Variants in MKLN1 observed in about 807,000 individuals in gnomAD.
MKLN1 encodes muskelin.
MKLN1 carries 18 observed loss-of-function variants against 99.0 expected under a neutral mutation model. The ratio of observed to expected loss-of-function variants is 0.18; its 90% CI spans 0.13 to 0.27. MKLN1 has a LOEUF of 0.27. Among genes scored for constraint, MKLN1 ranks in the 10% least tolerant of loss-of-function variants. The pLI, the probability that MKLN1 is intolerant of heterozygous loss-of-function variation, is 1.00. For missense variants in MKLN1, 621 were observed against 875.9 expected, an observed-to-expected ratio of 0.71 and a Z score of 3.67; for synonymous variants, 288 against 293.2, an observed-to-expected ratio of 0.98 and a Z score of 0.18.
rs535415363 is a variant in MKLN1, at chr7:131,495,425, C to G, written c.*7697C>G. 1.3e-5 allele frequency: 2 copies of G among 151,904 alleles called. No individual in the cohort carries two copies. Among genetic ancestry groups the G allele is most frequent in the African/African-American group, 4.8e-5 (2 of 41,338 alleles). The allele number at this position is 151,904 out of a possible 1,614,324, so 9.4% of individuals were successfully genotyped here. On this transcript the variant is annotated 3_prime_UTR_variant, in exon 18 of 18. Coordinates refer to ENST00000352689, the MANE Select transcript of MKLN1 (RefSeq NM_013255.5). ...TGTTAAATATCTTATATGGGACTTA[C>G]GATAAAATGTATTGATGTTAGTGAT...
chr7:131,184,123 C>G (rs1442519956), intron 2 of MKLN1, among the ~76,000 whole-genome samples: 5 of 151,878 alleles, frequency 3.3e-5, no homozygotes, highest in African/African-American at 7.3e-5. Context: ...TCTGTGATCA[C>G]TTTTCTTTCT....
At chr7:131,358,299 T>C (rs182269169) in intron 1 of MKLN1, among the ~76,000 whole-genome samples, 4 of 152,206 alleles carry the variant, frequency 2.6e-5, no homozygotes, top group Non-Finnish European at 4.4e-5. Context: ...TCTGTTGATA[T>C]GATCATATGA....
chr7:131,291,101 T>TTTTATTTTATTTATTTA lies in MKLN1; in HGVS notation c.-178-84316_-178-84315insTATTTATTTATTTATTT, dbSNP rs550977388. 7.5e-3 allele frequency among the ~76,000 whole-genome samples: 1,008 copies of TTTTATTTTATTTATTTA among 134,858 alleles called. 10 individuals carry two copies. The highest frequency in any genetic ancestry group is 0.016 in the African/African-American group (569 of 34,772). The allele number at this position is 134,858 out of a possible 152,430, so 88.5% of individuals were successfully genotyped here. A position where few individuals can be genotyped will look rare whatever the true frequency, so the allele number is the denominator to read the frequency against. On this transcript the variant is annotated intron_variant, in intron 3 of 7. Coordinates refer to the MKLN1 transcript ENST00000416992. ...ATGCTTTTCCTTTTATCTCATTTTA[T>TTTTATTTTATTTATTTA]TTTATTTATTTATTTATTTATTTAT...
intron 3 of MKLN1, among the ~76,000 whole-genome samples, chr7:131,239,994 C>A (rs1341421449): frequency 6.6e-6 from 1 of 152,062 alleles, no homozygotes. Flanking sequence ...CCAGCCTGGG[C>A]AACATAGTGA....
At chr7:131,310,724 G>A (rs1798549745) in intron 3 of MKLN1, 1 of 152,140 alleles carries the variant, frequency 6.6e-6, no homozygotes, top group African/African-American at 2.4e-5. Flanking sequence ...CTGAAAATAT[G>A]TCATTCCAGT....
At chr7:131,181,324 A>G (rs920552113) in intron 2 of MKLN1, among the ~76,000 whole-genome samples, 7 of 152,250 alleles carry the variant, frequency 4.6e-5, no homozygotes, top group Admixed American at 2.0e-4. Flanking sequence ...AGAAAACTAT[A>G]TATGCATAAA....
intron 1 of MKLN1, among the ~76,000 whole-genome samples, chr7:131,338,893 C>T (rs889384547): frequency 2.0e-5 from 3 of 152,356 alleles, no homozygotes; most frequent in South Asian, 2.1e-4. Context: ...ACAGAAAGGT[C>T]GATCCCTTCT....
chr7:131,485,135 AAAGT>A (rs1797237379), intron 17 of MKLN1, among the ~76,000 whole-genome samples: 1 of 152,076 alleles, frequency 6.6e-6, no homozygotes, highest in African/African-American at 2.4e-5. Context: ...TATATACCAG[AAAGT>A]AAGGAAGTAC....
intron 8 of MKLN1, among the ~76,000 whole-genome samples, chr7:131,427,547 C>CT: frequency 6.6e-6 from 1 of 151,480 alleles, no homozygotes; most frequent in East Asian, 1.9e-4. Context: ...AAGGAAACAA[C>CT]TTTTTTTTTA....
chr7:131,113,667 CAA>C (rs71168363), intron 1 of MKLN1, among the ~76,000 whole-genome samples: 85 of 96,408 alleles, frequency 8.8e-4, no homozygotes, highest in East Asian at 8.8e-4. Context: ...TACAAAAATA[CAA>C]AAAAAAAAAA....
chr7:131,155,135 T>A (rs1795944762), intron 2 of MKLN1, among the ~76,000 whole-genome samples: 1 of 152,232 alleles, frequency 6.6e-6, no homozygotes, highest in Admixed American at 6.5e-5. Flanking sequence ...ATTTTCATAT[T>A]TACATTAATA....
chr7:131,464,170 A>G (rs964441597), intron 13 of MKLN1, 124 bp from the exon 14 acceptor site: 1 of 516,218 alleles, frequency 1.9e-6, no homozygotes, highest in African/African-American at 1.9e-5. Flanking sequence ...GAACTTTAAG[A>G]TACGATGTGA....
chr7:131,314,082 T>G (rs1232565678), intron 3 of MKLN1, among the ~76,000 whole-genome samples: 2 of 152,192 alleles, frequency 1.3e-5, no homozygotes, highest in African/African-American at 4.8e-5. Context: ...TAATAACCAT[T>G]CACTGTAAAC....
rs570364647 is a variant in MKLN1, at chr7:131,120,239, T to C, written c.-419+10032T>C. ...TGCTTTGCAGCTTAGAAATTTTTTCTGTCAGGCCAGTTGCAATGGCTCACA... is the reference window on the plus strand; with the variant it reads ...TGCTTTGCAGCTTAGAAATTTTTTCCGTCAGGCCAGTTGCAATGGCTCACA... On this transcript the variant is annotated intron_variant, in intron 1 of 7. Transcript: ENST00000416992. 4.6e-5 allele frequency among the ~76,000 whole-genome samples: 7 copies of C among 150,762 alleles called. No individual in the cohort carries two copies. The South Asian group carries it at 1.5e-3, about 32-fold the overall frequency.
intron 2 of MKLN1, among the ~76,000 whole-genome samples, chr7:131,192,131 A>ATAT (rs1375048787): frequency 2.5e-5 from 2 of 80,864 alleles, no homozygotes; most frequent in African/African-American, 6.1e-5. Flanking sequence ...GTATATATAT[A>ATAT]AAAATATATA....
intron 3 of MKLN1, among the ~76,000 whole-genome samples, chr7:131,314,223 AG>A (rs1235870499): frequency 2.0e-5 from 3 of 152,160 alleles, no homozygotes; most frequent in Non-Finnish European, 4.4e-5. Flanking sequence ...TACAAAAGAG[AG>A]CAGAGTTTTG....
intron 3 of MKLN1, among the ~76,000 whole-genome samples, chr7:131,255,819 G>A (rs1179892167): frequency 1.3e-5 from 2 of 151,986 alleles, no homozygotes; most frequent in South Asian, 2.1e-4. Flanking sequence ...GACCTCTGGT[G>A]AGCCACCCGC....
chr7:131,458,331 A>G (rs1348925194), intron 12 of MKLN1, among the ~76,000 whole-genome samples: 1 of 152,240 alleles, frequency 6.6e-6, no homozygotes, highest in African/African-American at 2.4e-5. Flanking sequence ...CACAGTAGAA[A>G]CCCATTTGGG....
At chr7:131,443,446 CTA>C (rs753244522) in intron 10 of MKLN1, 33 bp from the exon 11 acceptor site, 42 of 1,480,820 alleles carry the variant, frequency 2.8e-5, no homozygotes, top group African/African-American at 4.2e-5. Flanking sequence ...CAGGAACAAA[CTA>C]AAACTATTCA....
Sources: allele counts gnomAD v4.1 joint callset (sites outside exome capture counted in the v4.1 genomes callset), GRCh38; gene constraint gnomAD v4.1.1; transcripts MANE v1.5; gene names NCBI Gene and HGNC (gene_info 2026-07-23, HGNC 2026-07-21).